DLGAP4: variants seen among roughly 807,000 people sequenced by gnomAD.
DLGAP4 encodes DLG associated protein 4, also known as disks large-associated protein 4.
DLGAP4 carries 18 observed loss-of-function variants against 86.9 expected under a neutral mutation model. The ratio of observed to expected loss-of-function variants is 0.21; its 90% CI spans 0.14 to 0.31. DLGAP4 has a LOEUF of 0.31. DLGAP4 is among the 10% of genes least tolerant of loss of function. DLGAP4 has a pLI of 1.00. For missense variants in DLGAP4, 1,085 were observed against 1,362.6 expected (o/e 0.80, Z 3.21); for synonymous variants, 548 against 574.3 (o/e 0.95, Z 0.65).
intron 1 of DLGAP4, among the ~76,000 whole-genome samples, chr20:36,347,941 T>C (rs577810855): frequency 2.6e-5 from 4 of 152,196 alleles, no homozygotes; most frequent in Non-Finnish European, 5.9e-5. Flanking sequence ...CTAGACTTCT[T>C]CAATAAAGAG....
rs1435367586 is a variant in DLGAP4, at chr20:36,461,447, C to T, written c.1648+14510C>T. The T allele has an allele frequency of 8.4e-6, 7 of 833,824 alleles. No homozygotes were observed. The African/African-American group carries it at 1.9e-4, about 23-fold the overall frequency. 51.7% of individuals were successfully genotyped at this position (833,824 alleles called of 1,614,324 possible). A position where few individuals can be genotyped will look rare whatever the true frequency, so the allele number is the denominator to read the frequency against. On this transcript the variant is annotated intron_variant, in intron 7 of 12. Transcript: ENST00000339266. The stretch of plus-strand genomic sequence containing the variant: ...GGCGGGGCAGGTGCGGGACTTTAAC[C>T]CGGAGCCCCGCCCCTCGGGCGTACA...
chr20:36,478,102 T>A (rs1044382731), intron 7 of DLGAP4, among the ~76,000 whole-genome samples: 1 of 152,150 alleles, frequency 6.6e-6, no homozygotes, highest in Non-Finnish European at 1.5e-5. Flanking sequence ...AGACAATAAT[T>A]CTGTGTCATA....
At chr20:36,327,694 C>T (rs1199955981) in intron 1 of DLGAP4, among the ~76,000 whole-genome samples, 5 of 146,888 alleles carry the variant, frequency 3.4e-5, no homozygotes, top group African/African-American at 1.2e-4. Context: ...TGGGTTCACG[C>T]CATTCTCCTG....
rs564065502 is a variant in DLGAP4 at position 36,410,487 on chromosome 20, G to A, written c.-72-21159G>A. Among the ~76,000 whole-genome samples, 7 of 152,338 alleles carry A rather than the reference G, an allele frequency of 4.6e-5. No homozygotes were observed. The East Asian group carries it at 1.3e-3, about 29-fold the overall frequency. On this transcript the variant is annotated intron_variant, in intron 2 of 12. Transcript: ENST00000339266. The stretch of plus-strand genomic sequence containing the variant: ...ACTATAAAGAAATATCTGAGGCTGA[G>A]TAATGTATAAAGAAAAGAGCTTTAA...
chr20:36,431,904 C>A lies in DLGAP4; in HGVS notation c.187C>A (p.Gln63Lys), dbSNP rs372503174. 48 of 1,614,084 alleles carry A rather than the reference C, an allele frequency of 3.0e-5. 1 individual carries two copies. The African/African-American group carries it at 6.1e-4, about 21-fold the overall frequency. Residue 63 changes from glutamine to lysine, a missense_variant, in exon 3 of 13, where the codon CAG (glutamine) becomes AAG (lysine). This residue lies in a region of DLGAP4 where 1,082 missense variants were observed against 1,344.1 expected (regional missense o/e 0.81). Transcript: ENST00000339266. This position sits in a 1 kb window ranked among gnomAD's most constrained non-coding sequence, Gnocchi z 5.1. ...AGATGGCCTCTTTCCCCTCAACAAC[C>A]AGCTGCCCCCGCCCAGCAGCACCTT... Reference protein sequence around the residue: ...PGDGLFPLNNQLPPPSSTFPR... With the variant: ...PGDGLFPLNNKLPPPSSTFPR...
chr20:36,509,749 CAAAA>C (rs1569523450), intron 10 of DLGAP4, among the ~76,000 whole-genome samples: 1 of 150,784 alleles, frequency 6.6e-6, no homozygotes, highest in South Asian at 2.1e-4. Context: ...GACCCTGTCT[CAAAA>C]AAACAAAAAG....
At chr20:36,492,802 C>T (rs1296198238) in intron 7 of DLGAP4, 2 of 152,202 alleles carry the variant, frequency 1.3e-5, no homozygotes, top group African/African-American at 2.4e-5. Flanking sequence ...GGTTGGCTTC[C>T]GTTTTCTGAT....
In DLGAP4 at chr20:36,500,071, G is replaced by A. The variant is rs1053398281; in HGVS notation, c.2100-128G>A. On this transcript the variant is annotated intron_variant, in intron 9 of 12. Transcript: ENST00000339266. This position sits in a 1 kb window ranked among gnomAD's most constrained non-coding sequence, Gnocchi z 4.6. ...GGGGGCTGTGGGACCCGCTTCAGGCGCATGGTGAGCAGATGATGCATCCGT... is the reference window on the plus strand; with the variant it reads ...GGGGGCTGTGGGACCCGCTTCAGGCACATGGTGAGCAGATGATGCATCCGT... 7 of 1,126,352 alleles carry A rather than the reference G, an allele frequency of 6.2e-6. No homozygotes were observed. The East Asian group carries it at 7.6e-5, about 12-fold the overall frequency. The allele number at this position is 1,126,352 out of a possible 1,614,324, so 69.8% of individuals were successfully genotyped here. A position where few individuals can be genotyped will look rare whatever the true frequency, so the allele number is the denominator to read the frequency against.
chr20:36,510,401 C>T (rs147363027), intron 10 of DLGAP4, among the ~76,000 whole-genome samples: 4 of 152,192 alleles, frequency 2.6e-5, no homozygotes. Flanking sequence ...GTAGCTGGGA[C>T]TACAGGTGCA....
chr20:36,401,277 G>A (rs571652888), intron 2 of DLGAP4, among the ~76,000 whole-genome samples: 1 of 152,336 alleles, frequency 6.6e-6, no homozygotes, highest in Admixed American at 6.5e-5. Flanking sequence ...AATGTCCTCT[G>A]CAAACCTCCA....
At chr20:36,445,248 G>A (rs2033559451) in intron 6 of DLGAP4, among the ~76,000 whole-genome samples, 1 of 152,106 alleles carries the variant, frequency 6.6e-6, no homozygotes, top group Non-Finnish European at 1.5e-5. Flanking sequence ...GCTCATGCCT[G>A]TAATCCCAGC....
At chr20:36,499,819 CA>C in intron 9 of DLGAP4, 143 bp downstream of exon 9, 1 of 490,526 alleles carries the variant, frequency 2.0e-6, no homozygotes. Context: ...GTGGCCCAGG[CA>C]TGGGAGGCTG....
At chr20:36,498,189 CAG>C (rs1022308126) in intron 8 of DLGAP4, 18 of 152,374 alleles carry the variant, frequency 1.2e-4, no homozygotes, top group Middle Eastern at 3.4e-3. Flanking sequence ...CAATTTCTTG[CAG>C]TTGCCTGTAT....
In DLGAP4 at chr20:36,490,436, T is replaced by G. The variant is rs1421640597; in HGVS notation, c.1649-6269T>G. Among the ~76,000 whole-genome samples the G allele has an allele frequency of 2.6e-5, 4 of 152,288 alleles. No individual in the cohort carries two copies. The South Asian group carries it at 8.3e-4, about 32-fold the overall frequency. Reference sequence around the variant, plus strand: ...GAGTTGCCCAATTTAGCTGTGTGGTTTGACAAGTTACTTGCTGGCTGGGAG... The same window carrying G: ...GAGTTGCCCAATTTAGCTGTGTGGTGTGACAAGTTACTTGCTGGCTGGGAG... On this transcript the variant is annotated intron_variant, in intron 7 of 12. Coordinates refer to ENST00000339266, the MANE Select transcript of DLGAP4 (RefSeq NM_001365621.2).
chr20:36,522,748 C>T (rs1242547262), intron 10 of DLGAP4, among the ~76,000 whole-genome samples: 1 of 152,130 alleles, frequency 6.6e-6, no homozygotes, highest in Non-Finnish European at 1.5e-5. Context: ...GAATTCCTGA[C>T]CTTGTGATCC....
At chr20:36,377,169 TAGGA>T (rs377480659) in intron 2 of DLGAP4, among the ~76,000 whole-genome samples, 2 of 152,290 alleles carry the variant, frequency 1.3e-5, no homozygotes, top group African/African-American at 4.8e-5. Flanking sequence ...CAGCTTAGGC[TAGGA>T]AAACCTTTTG....
chr20:36,486,069 A>T (rs2035398031), intron 7 of DLGAP4, among the ~76,000 whole-genome samples: 2 of 152,146 alleles, frequency 1.3e-5, no homozygotes, highest in South Asian at 4.1e-4. Flanking sequence ...CCAGGAATAA[A>T]TCATTCTGCT....
intron 1 of DLGAP4, among the ~76,000 whole-genome samples, chr20:36,331,648 A>AC (rs781942182): frequency 6.6e-5 from 10 of 152,184 alleles, no homozygotes; most frequent in Non-Finnish European, 8.8e-5. Flanking sequence ...CTTTTCACTT[A>AC]CCCACTCACA....
At chr20:36,420,954 C>A (rs1317996832) in intron 2 of DLGAP4, among the ~76,000 whole-genome samples, 1 of 150,620 alleles carries the variant, frequency 6.6e-6, no homozygotes, top group Non-Finnish European at 1.5e-5. Context: ...GCTTGGGCAA[C>A]AAGAGCGAAA....
Sources: allele counts gnomAD v4.1 joint callset (sites outside exome capture counted in the v4.1 genomes callset), GRCh38; gene constraint gnomAD v4.1.1; regional missense constraint gnomAD v4.1.1; non-coding constraint Gnocchi (gnomAD v3.1); transcripts MANE v1.5; gene names NCBI Gene and HGNC (gene_info 2026-07-23, HGNC 2026-07-21).